CCSER1: variants seen among roughly 807,000 people sequenced by gnomAD.
CCSER1 encodes the protein coiled-coil serine rich protein 1.
CCSER1 carries 41 observed loss-of-function variants against 82.0 expected under a neutral mutation model. The ratio of observed to expected loss-of-function variants is 0.50; its 90% CI spans 0.39 to 0.65. CCSER1 has a LOEUF of 0.65. CCSER1 is among the 30% of genes least tolerant of loss of function. The pLI is 0.00. For synonymous variants in CCSER1, 414 were observed against 383.9 expected (o/e 1.08, Z -0.92); for missense variants, 1,119 against 1,064.2 (o/e 1.05, Z -0.72).
At chr4:90,338,490 A>AT (rs1278804446) in intron 3 of CCSER1, among the ~76,000 whole-genome samples, 1 of 152,172 alleles carries the variant, frequency 6.6e-6, no homozygotes, top group African/African-American at 2.4e-5. Flanking sequence ...CCCACAATAT[A>AT]TGTCATCTTC....
intron 10 of CCSER1, among the ~76,000 whole-genome samples, chr4:91,136,960 A>G (rs2148919986): frequency 6.6e-6 from 1 of 152,268 alleles, no homozygotes; most frequent in Middle Eastern, 3.4e-3. Context: ...CCCTAACTTA[A>G]TAGGGAATTC....
chr4:91,023,473 G>A lies in CCSER1; in HGVS notation c.2173-62477G>A, dbSNP rs548362628. 1.1e-4 allele frequency among the ~76,000 whole-genome samples: 16 copies of A among 152,168 alleles called. No individual in the cohort carries two copies. The South Asian group carries it at 2.5e-3, about 24-fold the overall frequency. On this transcript the variant is annotated intron_variant, in intron 9 of 10. Transcript: ENST00000509176. ...CCAAAACAGAGATATAGATCAATGGGACAGAACAGAGCCCTCAGAAATAAT... is the reference window on the plus strand; with the variant it reads ...CCAAAACAGAGATATAGATCAATGGAACAGAACAGAGCCCTCAGAAATAAT...
chr4:91,487,323 A>G (rs1758274557), intron 10 of CCSER1, among the ~76,000 whole-genome samples: 1 of 152,138 alleles, frequency 6.6e-6, no homozygotes, highest in African/African-American at 2.4e-5. Context: ...CTCACTCAGT[A>G]AATACACAAG....
At chr4:91,000,534 A>G (rs867819675) in intron 9 of CCSER1, among the ~76,000 whole-genome samples, 2 of 152,230 alleles carry the variant, frequency 1.3e-5, no homozygotes, top group Middle Eastern at 3.4e-3. Flanking sequence ...TTTTGACAAT[A>G]TAGATTCTTG....
chr4:90,892,093 C>T (rs1723043322), intron 8 of CCSER1, among the ~76,000 whole-genome samples: 1 of 151,980 alleles, frequency 6.6e-6, no homozygotes, highest in African/African-American at 2.4e-5. Flanking sequence ...TGTTTTTTAT[C>T]TTGTTAAACG....
At chr4:90,472,197 C>T (rs1199746369) in intron 5 of CCSER1, among the ~76,000 whole-genome samples, 1 of 151,970 alleles carries the variant, frequency 6.6e-6, no homozygotes, top group East Asian at 1.9e-4. Flanking sequence ...GATTCAGAAC[C>T]CAGTAAATTC....
intron 10 of CCSER1, among the ~76,000 whole-genome samples, chr4:91,567,831 G>A (rs1366391533): frequency 6.6e-6 from 1 of 151,960 alleles, no homozygotes; most frequent in Non-Finnish European, 1.5e-5. Context: ...TTGCCACTCT[G>A]CATTTTAAAT....
At chr4:90,674,834 C>A (rs1459086480) in intron 6 of CCSER1, among the ~76,000 whole-genome samples, 1 of 151,720 alleles carries the variant, frequency 6.6e-6, no homozygotes, top group Non-Finnish European at 1.5e-5. Context: ...AGGAGGGGAA[C>A]ACATTGTTGA....
intron 8 of CCSER1, among the ~76,000 whole-genome samples, chr4:90,826,419 A>T (rs564146630): frequency 6.6e-6 from 1 of 152,354 alleles, no homozygotes; most frequent in African/African-American, 2.4e-5. Flanking sequence ...AAGTGTTAAC[A>T]TGATGAAGGA....
At chr4:90,471,015 T>C (rs529986872) in intron 5 of CCSER1, among the ~76,000 whole-genome samples, 2 of 152,190 alleles carry the variant, frequency 1.3e-5, no homozygotes, top group African/African-American at 4.8e-5. Flanking sequence ...AGATGAGGTG[T>C]CAAAATAATG....
intron 10 of CCSER1, among the ~76,000 whole-genome samples, chr4:91,379,382 G>T (rs539509072): frequency 1.3e-5 from 2 of 152,086 alleles, no homozygotes; most frequent in Admixed American, 1.3e-4. Context: ...GTCTGGTCCT[G>T]GACTTTTTTT....
chr4:91,138,903 T>A (rs1728751000), intron 10 of CCSER1, among the ~76,000 whole-genome samples: 1 of 152,160 alleles, frequency 6.6e-6, no homozygotes, highest in Non-Finnish European at 1.5e-5. Context: ...TATTTTAGAT[T>A]CTGGGGTTAC....
At chr4:90,203,150 G>A (rs1341718122) in intron 1 of CCSER1, among the ~76,000 whole-genome samples, 3 of 152,014 alleles carry the variant, frequency 2.0e-5, no homozygotes. Context: ...TTTGTCACAT[G>A]AGTCTACTTT....
At chr4:91,487,164 A>C (rs1043297632) in intron 10 of CCSER1, among the ~76,000 whole-genome samples, 1 of 152,144 alleles carries the variant, frequency 6.6e-6, no homozygotes, top group Non-Finnish European at 1.5e-5. Flanking sequence ...AAAAAGTAGG[A>C]TTTGTTACAT....
chr4:90,480,752 C>T (rs1765815035), intron 5 of CCSER1, among the ~76,000 whole-genome samples: 1 of 152,112 alleles, frequency 6.6e-6, no homozygotes, highest in South Asian at 2.1e-4. Context: ...TGTTTTGGTA[C>T]CAGTACCATG....
intron 8 of CCSER1, among the ~76,000 whole-genome samples, chr4:90,918,573 T>C (rs1727873419): frequency 8.9e-6 from 1 of 112,408 alleles, no homozygotes; most frequent in African/African-American, 4.9e-5. Context: ...TATGCGCACG[T>C]GCAAATGAAA....
chr4:91,585,122 T>G (rs895144638), intron 10 of CCSER1, among the ~76,000 whole-genome samples: 28 of 151,532 alleles, frequency 1.8e-4, no homozygotes, highest in African/African-American at 6.8e-4. Flanking sequence ...ACACAAAATT[T>G]TCTTGATCCA....
intron 4 of CCSER1, among the ~76,000 whole-genome samples, chr4:90,427,504 AG>A (rs1382680848): frequency 2.0e-5 from 3 of 151,446 alleles, no homozygotes; most frequent in African/African-American, 7.2e-5. Flanking sequence ...TATGACTAAA[AG>A]TAATATACTA....
chr4:91,078,061 A>T, intron 9 of CCSER1, among the ~76,000 whole-genome samples: 1 of 152,208 alleles, frequency 6.6e-6, no homozygotes, highest in Non-Finnish European at 1.5e-5. Context: ...TGCAGACTTA[A>T]ATGTCCCTGT....
Sources: gnomAD v4.1 joint callset for allele counts (sites outside exome capture counted in the v4.1 genomes callset) on GRCh38, gnomAD v4.1.1 for gene constraint, MANE v1.5 for transcripts, NCBI Gene and HGNC (gene_info 2026-07-23, HGNC 2026-07-21) for gene names.